SPRING1: variants seen among roughly 807,000 people sequenced by gnomAD.
SPRING1 encodes SREBP regulating gene protein.
A neutral mutation model predicts 24.7 loss-of-function variants in SPRING1; 14 were observed. That is an observed-to-expected ratio of 0.57 (90% CI 0.37 to 0.88). SPRING1 has a LOEUF of 0.88. Ranked by LOEUF, SPRING1 falls within the 40% of genes least tolerant of loss-of-function variation. The pLI is 0.00. For missense variants in SPRING1, 255 were observed against 268.4 expected, an observed-to-expected ratio of 0.95 and a Z score of 0.35; for synonymous variants, 93 against 106.1, an observed-to-expected ratio of 0.88 and a Z score of 0.76.
rs1413540008 is a variant in SPRING1 at position 116,714,414 on chromosome 12, TG to T, written c.*3395del. On this transcript the variant is annotated 3_prime_UTR_variant, in exon 5 of 5. Transcript: ENST00000261318. ...TGAGGCATCTCCAGGAGGCCCCAGTTGGGCTTGGGGACATGCTGAGAGGTGA... is the reference window on the plus strand; with the variant it reads ...TGAGGCATCTCCAGGAGGCCCCAGTTGGCTTGGGGACATGCTGAGAGGTGA... The T allele has an allele frequency of 2.6e-5, 4 of 152,258 alleles. No homozygotes were observed. Among genetic ancestry groups the T allele is most frequent in the Non-Finnish European group, 4.4e-5 (3 of 68,046 alleles). The allele number at this position is 152,258 out of a possible 1,614,324, so 9.4% of individuals were successfully genotyped here.
chr12:116,716,414 G>T lies in SPRING1; in HGVS notation c.*1396C>A, dbSNP rs116482702. ...AGCACCTTGCTCCCAGGTCAATAAA[G>T]TGAACCAAAAAAATTACAAAGACCT... is the stretch of plus-strand genomic sequence containing the variant. On this transcript the variant is annotated 3_prime_UTR_variant, in exon 5 of 5. Coordinates refer to ENST00000261318, the MANE Select transcript of SPRING1 (RefSeq NM_024738.4). 1 of 152,462 alleles carries T rather than the reference G, an allele frequency of 6.6e-6. No individual in the cohort carries two copies. The highest frequency in any genetic ancestry group is 2.4e-5 in the African/African-American group (1 of 41,464). The allele number at this position is 152,462 out of a possible 1,614,324, so 9.4% of individuals were successfully genotyped here. A position where few individuals can be genotyped will look rare whatever the true frequency, so the allele number is the denominator to read the frequency against.
chr12:116,733,472 C>T (rs1592924860), intron 1 of SPRING1, among the ~76,000 whole-genome samples: 1 of 149,316 alleles, frequency 6.7e-6, no homozygotes, highest in Admixed American at 6.6e-5. Flanking sequence ...GCGTGAGCCA[C>T]TGCGCCCGGC....
At chr12:116,719,586 T>C (rs1312059610) in intron 4 of SPRING1, among the ~76,000 whole-genome samples, 177 bp downstream of exon 4, 2 of 152,210 alleles carry the variant, frequency 1.3e-5, no homozygotes, top group East Asian at 3.8e-4. Flanking sequence ...CTCCCCTAAC[T>C]TGTATAAATC....
intron 4 of SPRING1, among the ~76,000 whole-genome samples, chr12:116,718,919 C>A (rs907933682): frequency 1.1e-4 from 16 of 152,230 alleles, no homozygotes; most frequent in African/African-American, 3.9e-4. Context: ...ATACTGAATG[C>A]TCGCAGAACA....
intron 1 of SPRING1, among the ~76,000 whole-genome samples, chr12:116,737,448 G>A (rs1424698390): frequency 6.7e-6 from 1 of 150,014 alleles, no homozygotes; most frequent in Non-Finnish European, 1.5e-5. Context: ...AGGGAAGGAA[G>A]AAAGACGGAA....
At chr12:116,737,702 A>C in intron 1 of SPRING1, 88 bp downstream of exon 1, 1 of 1,301,214 alleles carries the variant, frequency 7.7e-7, no homozygotes, top group Non-Finnish European at 1.0e-6. Flanking sequence ...AAAAGGAGGA[A>C]GGTAACGAAG....
Position 116,737,890 on chromosome 12 carries a change from A to T in SPRING1, c.11T>A (p.Leu4Gln), listed in dbSNP as rs947399580. The T allele has an allele frequency of 1.3e-5, 20 of 1,562,148 alleles. No individual in the cohort carries two copies. The highest frequency in any genetic ancestry group is 1.8e-5 in the Admixed American group (1 of 54,254). The change falls in exon 1 of 5, where the codon CTG (leucine) becomes CAG (glutamine). Residue 4 changes from leucine to glutamine, a missense_variant. Leu to Gln is a moderately radical substitution (Grantham distance 113). Transcript: ENST00000261318. MVN[L>Q]AAMVWRRLLR... ...AAGCCGGCGCCACACCATGGCCGCCAGGTTCACCATCCCGGCGCGGACGTG... is the reference window on the plus strand; with the variant it reads ...AAGCCGGCGCCACACCATGGCCGCCTGGTTCACCATCCCGGCGCGGACGTG...
rs945862108 is a variant in SPRING1, at chr12:116,713,787, G to C, written c.*4023C>G. The C allele has an allele frequency of 6.6e-6, 1 of 152,176 alleles. No individual in the cohort carries two copies. Among genetic ancestry groups the C allele is most frequent in the Non-Finnish European group, 1.5e-5 (1 of 68,030 alleles). 9.4% of individuals were successfully genotyped at this position (152,176 alleles called of 1,614,324 possible). A position where few individuals can be genotyped will look rare whatever the true frequency, so the allele number is the denominator to read the frequency against. On this transcript the variant is annotated 3_prime_UTR_variant, in exon 5 of 5. Coordinates refer to ENST00000261318, the MANE Select transcript of SPRING1 (RefSeq NM_024738.4). Reference sequence around the variant, plus strand: ...TCTATGTAACATAGGATATTCATTAGAGAATTGTTTTTCAAGAGGACAAAG... The same window carrying C: ...TCTATGTAACATAGGATATTCATTACAGAATTGTTTTTCAAGAGGACAAAG...
chr12:116,720,316 A>G lies in SPRING1; in HGVS notation c.400T>C (p.Cys134Arg), dbSNP rs778627083. 10 of 1,612,392 alleles carry G rather than the reference A, an allele frequency of 6.2e-6. No individual in the cohort carries two copies. The highest frequency in any genetic ancestry group is 8.5e-6 in the Non-Finnish European group (10 of 1,179,452). Residue 134 changes from cysteine (C) to arginine (R), a missense_variant, in exon 3 of 5, where the codon TGC becomes CGC. By Grantham distance (180) the Cys-to-Arg change is radical (BLOSUM62 -3). Transcript: ENST00000261318. This position sits in a 1 kb window ranked among gnomAD's most constrained non-coding sequence, Gnocchi z 4.0. ...CCSAYEYCVSCCLQPNKQLLL... is the reference protein window; with the variant it reads ...CCSAYEYCVSRCLQPNKQLLL... ...CATACCTTGTTGGGCTGCAGGCAGC[A>G]GGAGACACAGTACTCATAGGCGCTG...
chr12:116,721,002 G>A (rs1870405595), intron 2 of SPRING1, among the ~76,000 whole-genome samples: 1 of 152,044 alleles, frequency 6.6e-6, no homozygotes, highest in Admixed American at 6.5e-5. Context: ...ATACGTGTAC[G>A]TGCCACGGAC....
Position 116,720,532 on chromosome 12 carries a change from T to C in SPRING1, c.269-85A>G. 2.6e-6 allele frequency: 4 copies of C among 1,532,374 alleles called. No individual in the cohort carries two copies. Among genetic ancestry groups the C allele is most frequent in the Non-Finnish European group, 1.8e-6 (2 of 1,126,824 alleles). The allele number at this position is 1,532,374 out of a possible 1,614,324, so 94.9% of individuals were successfully genotyped here. ...GATGACCATGAAGCAGCAGTGAAAG[T>C]ACACAGACAGAAGCTGGAGTCTGGG... On this transcript the variant is annotated intron_variant, in intron 2 of 4. Transcript: ENST00000261318. This position sits in a 1 kb window ranked among gnomAD's most constrained non-coding sequence, Gnocchi z 4.0.
rs368085599 is a variant in SPRING1 at position 116,723,223 on chromosome 12, C to G, written c.112G>C (p.Glu38Gln). The G allele has an allele frequency of 1.2e-4, 186 of 1,614,038 alleles. No homozygotes were observed. The highest frequency in any genetic ancestry group is 2.0e-4 in the Admixed American group (12 of 60,010). ...VYFLSSTFKQEERAVRDRNLL... is the reference protein window; with the variant it reads ...VYFLSSTFKQQERAVRDRNLL... ...TTCCTATCTCTCACTGCCCTCTCCT[C>G]CTGCAAAGAAACCATAAGTGAGAAG... Residue 38 changes from glutamate to glutamine, a missense_variant and splice_region_variant, in exon 2 of 5, where the codon GAG (glutamate) becomes CAG (glutamine). Coordinates refer to ENST00000261318, the MANE Select transcript of SPRING1 (RefSeq NM_024738.4).
intron 4 of SPRING1, among the ~76,000 whole-genome samples, chr12:116,718,261 C>T (rs984127430): frequency 6.6e-6 from 1 of 152,262 alleles, no homozygotes; most frequent in Admixed American, 6.5e-5. Flanking sequence ...CTGAGCTTCA[C>T]TCAGTTCCCG....
In SPRING1 at chr12:116,712,169, G is replaced by C. The variant is rs1056097038; in HGVS notation, c.*5641C>G. On this transcript the variant is annotated 3_prime_UTR_variant, in exon 5 of 5. Transcript: ENST00000261318. Reference sequence around the variant, plus strand: ...AAATATTTGAATAATTAACTGCTTTGCTCATTGGTTGTAACTGGCAAGTCA... The same window carrying C: ...AAATATTTGAATAATTAACTGCTTTCCTCATTGGTTGTAACTGGCAAGTCA... 1.3e-5 allele frequency: 2 copies of C among 152,178 alleles called. No homozygotes were observed. Among genetic ancestry groups the C allele is most frequent in the African/African-American group, 4.8e-5 (2 of 41,436 alleles). The allele number at this position is 152,178 out of a possible 1,614,324, so 9.4% of individuals were successfully genotyped here.
rs1869913972 is a variant in SPRING1 at position 116,712,445 on chromosome 12, C to A, written c.*5365G>T. The A allele has an allele frequency of 6.6e-6, 1 of 152,156 alleles. No individual in the cohort carries two copies. The highest frequency in any genetic ancestry group is 1.5e-5 in the Non-Finnish European group (1 of 68,048). The allele number at this position is 152,156 out of a possible 1,614,324, so 9.4% of individuals were successfully genotyped here. On this transcript the variant is annotated 3_prime_UTR_variant, in exon 5 of 5. Coordinates refer to ENST00000261318, the MANE Select transcript of SPRING1 (RefSeq NM_024738.4). The stretch of plus-strand genomic sequence containing the variant: ...CAGATACATGCTGAATATAGGGATG[C>A]CTGTACACAAAACTGCACTCATGCT...
chr12:116,729,086 A>C (rs536340706), intron 1 of SPRING1, among the ~76,000 whole-genome samples: 1 of 152,314 alleles, frequency 6.6e-6, no homozygotes, highest in South Asian at 2.1e-4. Context: ...TTGTGAAAAA[A>C]CACTTAAAAA....
chr12:116,726,456 G>A (rs1056222802), intron 1 of SPRING1, among the ~76,000 whole-genome samples: 10 of 152,062 alleles, frequency 6.6e-5, no homozygotes, highest in African/African-American at 2.4e-4. Context: ...TTTCTATTCT[G>A]CTCCCTCCCT....
At chr12:116,724,480 G>A (rs1870588858) in intron 1 of SPRING1, among the ~76,000 whole-genome samples, 2 of 152,166 alleles carry the variant, frequency 1.3e-5, no homozygotes, top group African/African-American at 4.8e-5. Context: ...CTTTGGGGAG[G>A]CCGAGGCTGG....
Position 116,711,922 on chromosome 12 carries a change from C to T in SPRING1, c.*5888G>A, listed in dbSNP as rs1051254206. ...GAGCCACCACACCCGGCTGCCAACACCACTTTCGATTTTGGGATAATCTGG... is the reference window on the plus strand; with the variant it reads ...GAGCCACCACACCCGGCTGCCAACATCACTTTCGATTTTGGGATAATCTGG... On this transcript the variant is annotated 3_prime_UTR_variant, in exon 5 of 5. Transcript: ENST00000261318. The T allele has an allele frequency of 5.3e-5, 8 of 152,256 alleles. No homozygotes were observed. The highest frequency in any genetic ancestry group is 1.2e-4 in the African/African-American group (5 of 41,558). The allele number at this position is 152,256 out of a possible 1,614,324, so 9.4% of individuals were successfully genotyped here. A position where few individuals can be genotyped will look rare whatever the true frequency, so the allele number is the denominator to read the frequency against.
Sources: allele counts gnomAD v4.1 joint callset (sites outside exome capture counted in the v4.1 genomes callset), GRCh38; gene constraint gnomAD v4.1.1; non-coding constraint Gnocchi (gnomAD v3.1); transcripts MANE v1.5; gene names NCBI Gene and HGNC (gene_info 2026-07-23, HGNC 2026-07-21).